The following INCENP variants were observed in gnomAD, a reference collection of about 807,000 sequenced individuals.
The protein encoded by INCENP is binds and activates aurora-B and -C in vivo and in vitro.
Under a neutral mutation model 107.3 loss-of-function variants are expected in INCENP, and 43 were observed. The observed-to-expected ratio is 0.40, with a 90% CI of 0.31 to 0.52. The LOEUF (loss-of-function observed/expected upper bound fraction) is 0.52. Among genes scored for constraint, INCENP ranks in the 20% least tolerant of loss-of-function variants. INCENP has a pLI of 0.53. For missense variants in INCENP, 1,089 were observed against 1,250.9 expected (o/e 0.87, Z 1.95); for synonymous variants, 488 against 494.4 (o/e 0.99, Z 0.17).
At position 62,151,657 on chromosome 11, in the gene INCENP, T is replaced by C. The variant is rs1590632695; in HGVS notation, c.2543-105T>C. 7 of 882,422 alleles carry C rather than the reference T, an allele frequency of 7.9e-6. No individual in the cohort carries two copies. In the East Asian group the frequency reaches 1.5e-4, roughly 19 times the overall value. 54.7% of individuals were successfully genotyped at this position (882,422 alleles called of 1,614,324 possible). ...GCAGGGCTGAAGAGGGTGACAGAGC[T>C]CTCTGTAGGGAGGTTGGAGAGGGTG... On this transcript the variant is annotated intron_variant, in intron 18 of 18. Coordinates refer to ENST00000394818, the MANE Select transcript of INCENP (RefSeq NM_001040694.2).
intron 4 of INCENP, among the ~76,000 whole-genome samples, chr11:62,131,115 C>T (rs1943885244): frequency 6.6e-6 from 1 of 152,160 alleles, no homozygotes; most frequent in African/African-American, 2.4e-5. Flanking sequence ...GCAGCAGGCT[C>T]CTTCGGGGAG....
At position 62,130,388 on chromosome 11, in the gene INCENP, G is replaced by A. The variant is rs1430161937; in HGVS notation, c.861G>A (p.Pro287=). 6.2e-6 allele frequency: 10 copies of A among 1,612,766 alleles called. No homozygotes were observed. Among genetic ancestry groups the A allele is most frequent in the African/African-American group, 2.7e-5 (2 of 74,902 alleles). Residue 287 remains proline (P), a synonymous_variant, in exon 4 of 19, where the codon CCG becomes CCA. Transcript: ENST00000394818. ...WRERVLAPIL[P]DNFSTPTGSR... is the part of the protein sequence containing the mutation. The stretch of plus-strand genomic sequence containing the variant: ...AGCGGGTGCTGGCTCCCATCCTGCC[G>A]GATAACTTCTCCACGCCCACGGGCT...
In INCENP at chr11:62,130,094, C is replaced by T. The variant is rs186971860; in HGVS notation, c.567C>T (p.Thr189=). Residue 189 remains threonine, a synonymous_variant, in exon 4 of 19, where the codon ACC becomes ACT. Transcript: ENST00000394818. ...AGCATGTCACCCAGCTCATGTCCACCGAGCCTCTGCCCCGCACTCTGTCCC... is the reference window on the plus strand; with the variant it reads ...AGCATGTCACCCAGCTCATGTCCACTGAGCCTCTGCCCCGCACTCTGTCCC... ...AEQHVTQLMS[T]EPLPRTLSPT... is the part of the protein sequence containing the mutation. The T allele has an allele frequency of 3.7e-5, 59 of 1,613,420 alleles. No homozygotes were observed. The East Asian group carries it at 5.6e-4, about 15-fold the overall frequency.
chr11:62,138,701 T>C lies in INCENP; in HGVS notation c.1116-12T>C. 6.2e-7 allele frequency: 1 copy of C among 1,613,920 alleles called. No individual in the cohort carries two copies. Among genetic ancestry groups the C allele is most frequent in the Non-Finnish European group, 8.5e-7 (1 of 1,179,826 alleles). On this transcript the variant is annotated splice_polypyrimidine_tract_variant and intron_variant, in intron 5 of 18. Transcript: ENST00000394818. ...CTGGGCAGTCCCCTCAGAGTCCCTC[T>C]TCTGTTTTCAGTTCTGAGCAGAAGG...
chr11:62,144,281 G>A (rs1412425295), intron 11 of INCENP, among the ~76,000 whole-genome samples: 1 of 150,876 alleles, frequency 6.6e-6, no homozygotes, highest in South Asian at 2.1e-4. Flanking sequence ...GCAGTGAGCC[G>A]AGATCGCGCC....
At chr11:62,143,328 A>G (rs994159457) in intron 11 of INCENP, among the ~76,000 whole-genome samples, 1 of 151,406 alleles carries the variant, frequency 6.6e-6, no homozygotes, top group African/African-American at 2.4e-5. Flanking sequence ...AGCATTAGAT[A>G]CTCCCTTTCT....
intron 14 of INCENP, among the ~76,000 whole-genome samples, chr11:62,146,053 G>A (rs1368200504): frequency 1.3e-5 from 2 of 152,202 alleles, no homozygotes; most frequent in Non-Finnish European, 2.9e-5. Flanking sequence ...CTGCTTCCAT[G>A]TCTTCAAGTA....
At chr11:62,133,626 C>G (rs1195915589) in intron 4 of INCENP, among the ~76,000 whole-genome samples, 1 of 152,204 alleles carries the variant, frequency 6.6e-6, no homozygotes, top group Admixed American at 6.5e-5. Flanking sequence ...GCAGATGGCA[C>G]TTAGCATTCC....
chr11:62,129,576 C>A (rs571668402), intron 3 of INCENP, among the ~76,000 whole-genome samples: 66 of 152,320 alleles, frequency 4.3e-4, no homozygotes, highest in African/African-American at 1.6e-3. Context: ...GTGGCATGAT[C>A]CCCAATTTAC....
At position 62,129,962 on chromosome 11, in the gene INCENP, C is replaced by A; in HGVS notation, c.435C>A (p.Thr145=). Reference sequence around the variant, plus strand: ...CATTGGCTGCACCTTCTTCACCCACCCCTGAGTCTCCCACGATGCTGACTA... The same window carrying A: ...CATTGGCTGCACCTTCTTCACCCACACCTGAGTCTCCCACGATGCTGACTA... ...TMALAAPSSP[T]PESPTMLTKK... Residue 145 remains threonine, a synonymous_variant, in exon 4 of 19, where the codon ACC becomes ACA. Transcript: ENST00000394818. The A allele has an allele frequency of 1.2e-6, 2 of 1,614,146 alleles. No homozygotes were observed. The highest frequency in any genetic ancestry group is 1.6e-4 in the Middle Eastern group (1 of 6,062).
chr11:62,124,740 T>TTA (rs1943713720), intron 1 of INCENP, among the ~76,000 whole-genome samples: 1 of 152,280 alleles, frequency 6.6e-6, no homozygotes, highest in South Asian at 2.1e-4. Context: ...AGCCAGTGGT[T>TTA]AAGGGCACGG....
At chr11:62,135,811 A>AT (rs1009165550) in intron 4 of INCENP, among the ~76,000 whole-genome samples, 60 of 149,094 alleles carry the variant, frequency 4.0e-4, no homozygotes, top group African/African-American at 1.3e-3. Flanking sequence ...TTTTGGCTCA[A>AT]TTTTTTTTTT....
chr11:62,152,602 T>G lies in INCENP; in HGVS notation c.*626T>G, dbSNP rs1168006580. 1 of 152,984 alleles carries G rather than the reference T, an allele frequency of 6.5e-6. No individual in the cohort carries two copies. Among genetic ancestry groups the G allele is most frequent in the Non-Finnish European group, 1.5e-5 (1 of 68,736 alleles). The allele number at this position is 152,984 out of a possible 1,614,324, so 9.5% of individuals were successfully genotyped here. ...GTGCTCCCTGTTTGTAAAGGGGAGT[T>G]TGTTCATTGGGAAAGACCTGGGTCT... On this transcript the variant is annotated 3_prime_UTR_variant, in exon 19 of 19. Coordinates refer to ENST00000394818, the MANE Select transcript of INCENP (RefSeq NM_001040694.2).
At chr11:62,131,439 G>C (rs1943891496) in intron 4 of INCENP, among the ~76,000 whole-genome samples, 1 of 152,242 alleles carries the variant, frequency 6.6e-6, no homozygotes. Context: ...CACTGGAGCA[G>C]GTGTCTGGAG....
At chr11:62,134,199 C>G (rs1177928564) in intron 4 of INCENP, among the ~76,000 whole-genome samples, 4 of 152,052 alleles carry the variant, frequency 2.6e-5, no homozygotes, top group Admixed American at 2.6e-4. Flanking sequence ...TAAGCCTCAG[C>G]CTCAAAAAGC....
Position 62,146,807 on chromosome 11 carries a change from C to A in INCENP, c.2109C>A (p.Arg703=). 3 of 1,519,968 alleles carry A rather than the reference C, an allele frequency of 2.0e-6. No homozygotes were observed. The highest frequency in any genetic ancestry group is 2.7e-6 in the Non-Finnish European group (3 of 1,130,520). 94.2% of individuals were successfully genotyped at this position (1,519,968 alleles called of 1,614,324 possible). ...AGGAGCGGCGCGAGCAGGAGCGGCG[C>A]GAGCAGGAGCGGCGGGAGCAGGAGC... ...REQERREQER[R]EQERREQERR... Residue 703 remains arginine, a synonymous_variant, in exon 15 of 19, where the codon CGC becomes CGA. Transcript: ENST00000394818.
intron 7 of INCENP, 58 bp downstream of exon 7, chr11:62,139,063 C>A: frequency 8.1e-7 from 1 of 1,235,680 alleles, no homozygotes; most frequent in Non-Finnish European, 1.2e-6. Flanking sequence ...CCTTGGCGGC[C>A]TCGGCCTGAC....
intron 4 of INCENP, among the ~76,000 whole-genome samples, chr11:62,136,187 T>C (rs576591804): frequency 6.6e-6 from 1 of 152,358 alleles, no homozygotes; most frequent in South Asian, 2.1e-4. Flanking sequence ...GTCTTCCAGA[T>C]ACCCAAGACT....
At chr11:62,139,455 G>A (rs1186924591) in intron 7 of INCENP, among the ~76,000 whole-genome samples, 1 of 152,202 alleles carries the variant, frequency 6.6e-6, no homozygotes, top group Non-Finnish European at 1.5e-5. Flanking sequence ...GAGTGTCCCA[G>A]GGTCCTGCTC....
Sources: gnomAD v4.1 joint callset for allele counts (sites outside exome capture counted in the v4.1 genomes callset) on GRCh38, gnomAD v4.1.1 for gene constraint, MANE v1.5 for transcripts, NCBI Gene and HGNC (gene_info 2026-07-23, HGNC 2026-07-21) for gene names.